GRM7: variants seen among roughly 807,000 people sequenced by gnomAD.
The protein encoded by GRM7 is glutamate metabotropic receptor 7.
In GRM7, 35 loss-of-function variants were observed where a neutral mutation model predicts 84.5. That is an observed-to-expected ratio of 0.41 (90% CI 0.32 to 0.55). GRM7 has a LOEUF of 0.55. Ranked by LOEUF, GRM7 falls within the 20% of genes least tolerant of loss-of-function variation. GRM7 has a pLI of 0.19. For synonymous variants in GRM7, 487 were observed against 455.1 expected (o/e 1.07, Z -0.89); for missense variants, 1,003 against 1,194.6 (o/e 0.84, Z 2.36).
At chr3:6,890,742 T>C (rs985174946) in intron 1 of GRM7, among the ~76,000 whole-genome samples, 4 of 152,186 alleles carry the variant, frequency 2.6e-5, no homozygotes, top group Non-Finnish European at 4.4e-5. Context: ...TAGATGTCTA[T>C]TAGGTCTGCT....
chr3:7,661,794 CAAAAAAAAAAAA>C (rs71043686), intron 8 of GRM7, among the ~76,000 whole-genome samples: 13 of 28,192 alleles, frequency 4.6e-4, no homozygotes, highest in Admixed American at 3.5e-3. Flanking sequence ...GTCTCCGTCT[CAAAAAAAAAAAA>C]AAAAAAAAAA....
At chr3:7,269,104 C>T (rs544499216) in intron 2 of GRM7, among the ~76,000 whole-genome samples, 272 of 152,302 alleles carry the variant, frequency 1.8e-3, no homozygotes, top group African/African-American at 6.3e-3. Flanking sequence ...CCCACAGAAT[C>T]AGAACCACAT....
chr3:7,523,273 G>C (rs1700666915), intron 7 of GRM7, among the ~76,000 whole-genome samples: 1 of 152,070 alleles, frequency 6.6e-6, no homozygotes, highest in South Asian at 2.1e-4. Flanking sequence ...AAAGGAGAAG[G>C]GGCAATTGAT....
At chr3:7,320,413 G>T (rs1023472861) in intron 4 of GRM7, among the ~76,000 whole-genome samples, 2 of 152,006 alleles carry the variant, frequency 1.3e-5, no homozygotes, top group Non-Finnish European at 2.9e-5. Flanking sequence ...ATTGGACAAA[G>T]GGGGTATGAT....
chr3:7,474,137 A>G (rs146377918), intron 7 of GRM7, among the ~76,000 whole-genome samples: 92 of 152,312 alleles, frequency 6.0e-4, no homozygotes, highest in Middle Eastern at 3.4e-3. Context: ...CTTTTGTACT[A>G]TAACTTTCAG....
At chr3:7,318,737 TCTA>T (rs1259836421) in intron 4 of GRM7, among the ~76,000 whole-genome samples, 1 of 152,066 alleles carries the variant, frequency 6.6e-6, no homozygotes, top group Non-Finnish European at 1.5e-5. Flanking sequence ...ATGACCTTCT[TCTA>T]ACTTTAAGTA....
rs1333309586 is a variant in GRM7 at position 7,103,098 on chromosome 3, A to T, written c.520-43354A>T. Among the ~76,000 whole-genome samples, 6 of 151,876 alleles carry T rather than the reference A, an allele frequency of 4.0e-5. No individual in the cohort carries two copies. The South Asian group carries it at 8.3e-4, about 21-fold the overall frequency. Reference sequence around the variant, plus strand: ...TTGATAATGTAACTGTTTTTATCTTATATGTCTCATATTTTATTATGTTAA... The same window carrying T: ...TTGATAATGTAACTGTTTTTATCTTTTATGTCTCATATTTTATTATGTTAA... On this transcript the variant is annotated intron_variant, in intron 1 of 9. Transcript: ENST00000357716.
intron 4 of GRM7, among the ~76,000 whole-genome samples, chr3:7,349,957 C>T (rs1205740016): frequency 2.6e-5 from 4 of 151,924 alleles, no homozygotes; most frequent in South Asian, 2.1e-4. Context: ...TTTTCTCTAG[C>T]ACCGCTTTTG....
chr3:7,224,955 A>G (rs1458659507), intron 2 of GRM7, among the ~76,000 whole-genome samples: 1 of 152,120 alleles, frequency 6.6e-6, no homozygotes, highest in Non-Finnish European at 1.5e-5. Flanking sequence ...GTGTATTCTC[A>G]TATTTTTGAT....
chr3:7,360,167 G>GTA (rs1693600011), intron 4 of GRM7, among the ~76,000 whole-genome samples: 2 of 143,836 alleles, frequency 1.4e-5, no homozygotes. Flanking sequence ...GTGTGTGTGT[G>GTA]TGTGTGAAAG....
chr3:7,516,634 G>T (rs1700402980), intron 7 of GRM7, among the ~76,000 whole-genome samples: 2 of 152,088 alleles, frequency 1.3e-5, no homozygotes, highest in African/African-American at 2.4e-5. Flanking sequence ...TCCTTGGTGA[G>T]CATTCAGCGA....
rs1574853602 is a variant in GRM7, at chr3:7,064,487, TATACATATATATATACAC to T, written c.520-81961_520-81944del. Among the ~76,000 whole-genome samples, 31 of 91,674 alleles carry T rather than the reference TATACATATATATATACAC, an allele frequency of 3.4e-4. 1 individual carries two copies. The highest frequency in any genetic ancestry group is 6.2e-4 in the Admixed American group (6 of 9,682). 60.1% of individuals were successfully genotyped at this position (91,674 alleles called of 152,430 possible). On this transcript the variant is annotated intron_variant, in intron 1 of 9. Coordinates refer to ENST00000357716, the MANE Select transcript of GRM7 (RefSeq NM_000844.4). ...ACATATATATATATATATACACACA[TATACATATATATATACAC>T]ATATATATATATACACACACACACA... is the stretch of plus-strand genomic sequence containing the variant.
intron 8 of GRM7, among the ~76,000 whole-genome samples, chr3:7,651,820 A>G (rs1205805634): frequency 1.3e-5 from 2 of 152,232 alleles, no homozygotes; most frequent in Non-Finnish European, 2.9e-5. Flanking sequence ...AGTCCATAGC[A>G]AAAAGCTCCA....
At position 6,861,621 on chromosome 3, in the gene GRM7, G is replaced by A. The variant is rs750418695; in HGVS notation, c.233G>A (p.Arg78Lys). 1 of 1,613,380 alleles carries A rather than the reference G, an allele frequency of 6.2e-7. No homozygotes were observed. Among genetic ancestry groups the A allele is most frequent in the South Asian group, 1.1e-5 (1 of 90,996 alleles). Residue 78 changes from arginine to lysine, a missense_variant, in exon 1 of 10, where the codon AGG becomes AAG. This residue lies in a region of GRM7 where 910 missense variants were observed against 1,126.0 expected (regional missense o/e 0.81). Coordinates refer to ENST00000357716, the MANE Select transcript of GRM7 (RefSeq NM_000844.4). This position sits in a 1 kb window ranked among gnomAD's most constrained non-coding sequence, Gnocchi z 6.4. Reference sequence around the variant, plus strand: ...ATCAAGAGGGAAAACGGGATCCACAGGCTGGAAGCGATGCTCTACGCCCTG... The same window carrying A: ...ATCAAGAGGGAAAACGGGATCCACAAGCTGGAAGCGATGCTCTACGCCCTG... ...GDIKRENGIH[R>K]LEAMLYALDQ... is the part of the protein sequence containing the mutation.
At chr3:6,974,680 G>C (rs999405903) in intron 1 of GRM7, among the ~76,000 whole-genome samples, 1 of 152,188 alleles carries the variant, frequency 6.6e-6, no homozygotes, top group Non-Finnish European at 1.5e-5. Flanking sequence ...GCCTGATGGG[G>C]TAAGATAAGG....
chr3:7,052,720 GTTT>G (rs372132445), intron 1 of GRM7, among the ~76,000 whole-genome samples: 2 of 101,560 alleles, frequency 2.0e-5, no homozygotes, highest in Non-Finnish European at 3.8e-5. Flanking sequence ...AGTATCGGTA[GTTT>G]TTTTTTTTTT....
intron 2 of GRM7, among the ~76,000 whole-genome samples, chr3:7,215,864 A>G (rs1298939279): frequency 6.6e-6 from 1 of 152,126 alleles, no homozygotes; most frequent in Non-Finnish European, 1.5e-5. Flanking sequence ...GTCTTAGAAA[A>G]TTGGACAAAA....
intron 1 of GRM7, among the ~76,000 whole-genome samples, chr3:6,874,005 C>G (rs895055564): frequency 2.0e-5 from 3 of 152,168 alleles, no homozygotes; most frequent in African/African-American, 7.2e-5. Flanking sequence ...TAATTGAGAC[C>G]AAGCCAGGCA....
intron 2 of GRM7, among the ~76,000 whole-genome samples, chr3:7,215,635 A>C (rs1353503126): frequency 6.6e-6 from 1 of 152,000 alleles, no homozygotes; most frequent in Non-Finnish European, 1.5e-5. Flanking sequence ...ACTGCACTCC[A>C]GCCTGGGCGA....
Sources: allele counts gnomAD v4.1 joint callset (sites outside exome capture counted in the v4.1 genomes callset), GRCh38; gene constraint gnomAD v4.1.1; regional missense constraint gnomAD v4.1.1; non-coding constraint Gnocchi (gnomAD v3.1); transcripts MANE v1.5; gene names NCBI Gene and HGNC (gene_info 2026-07-23, HGNC 2026-07-21).